Variants in CDH23 observed in about 807,000 individuals in gnomAD.
CDH23 encodes the protein cadherin-23.
CDH23 carries 189 observed loss-of-function variants against 317.1 expected under a neutral mutation model. The ratio of observed to expected loss-of-function variants is 0.60; its 90% CI spans 0.53 to 0.67. CDH23 has a LOEUF of 0.67. Among genes scored for constraint, CDH23 ranks in the 30% least tolerant of loss-of-function variants. The pLI, the probability that CDH23 is intolerant of heterozygous loss-of-function variation, is 0.00. For synonymous variants in CDH23, 1,839 were observed against 1,876.8 expected (o/e 0.98, Z 0.52); for missense variants, 4,401 against 4,592.4 (o/e 0.96, Z 1.20).
chr10:71,403,160 A>G (rs879631256), intron 1 of CDH23, among the ~76,000 whole-genome samples: 29 of 152,014 alleles, frequency 1.9e-4, no homozygotes, highest in Non-Finnish European at 3.7e-4. Flanking sequence ...CCAAAAAAAA[A>G]CAAATCCAGC....
chr10:71,544,780 C>T (rs566691306), intron 6 of CDH23, among the ~76,000 whole-genome samples: 1 of 152,212 alleles, frequency 6.6e-6, no homozygotes, highest in Non-Finnish European at 1.5e-5. Flanking sequence ...GATAGTGCTC[C>T]GTTTTCTAAC....
chr10:71,596,693 G>A (rs903870810), intron 9 of CDH23, among the ~76,000 whole-genome samples: 1 of 152,234 alleles, frequency 6.6e-6, no homozygotes, highest in African/African-American at 2.4e-5. Context: ...GGACAGACAT[G>A]AGAAGCAGAT....
chr10:71,489,594 GGTGTGTGT>G (rs34392048), intron 3 of CDH23, among the ~76,000 whole-genome samples: 21 of 139,882 alleles, frequency 1.5e-4, no homozygotes, highest in South Asian at 4.8e-4. Context: ...AGTGCCTCGG[GGTGTGTGT>G]GTGTGTGTGT....
intron 28 of CDH23, chr10:71,715,992 G>T: frequency 2.0e-6 from 3 of 1,496,920 alleles, no homozygotes; most frequent in Non-Finnish European, 2.7e-6. Context: ...TCGGGGCCCG[G>T]CAGGGGCTGT....
In CDH23 at chr10:71,733,862, A is replaced by G. The variant is rs184520710; in HGVS notation, c.4105-378A>G. Among the ~76,000 whole-genome samples, 12 of 152,344 alleles carry G rather than the reference A, an allele frequency of 7.9e-5. No homozygotes were observed. The East Asian group carries it at 2.3e-3, about 29-fold the overall frequency. On this transcript the variant is annotated intron_variant, in intron 32 of 69. Coordinates refer to ENST00000224721, the MANE Select transcript of CDH23 (RefSeq NM_022124.6). ...CGTGACAGGCCTTGTCCTAGAGGAT[A>G]CTGGGAACACAAATGGACACAAAGA...
In CDH23 at chr10:71,777,700, G is replaced by T; in HGVS notation, c.4866G>T (p.Val1622=). The change falls in exon 39 of 70, where the codon GTG becomes GTT. Residue 1622 remains valine, a synonymous_variant. Coordinates refer to ENST00000224721, the MANE Select transcript of CDH23 (RefSeq NM_022124.6). ...CACAGGCCACCACGCACGTGTACGT[G>T]ACCATTGTGGATGAGAATGATAACG... is the stretch of plus-strand genomic sequence containing the variant. ...PTLSATTHVY[V]TIVDENDNAP... 1.2e-6 allele frequency: 2 copies of T among 1,612,612 alleles called. No individual in the cohort carries two copies. The highest frequency in any genetic ancestry group is 2.2e-5 in the South Asian group (2 of 90,700).
At chr10:71,492,393 A>C (rs1852712559) in intron 3 of CDH23, among the ~76,000 whole-genome samples, 1 of 152,148 alleles carries the variant, frequency 6.6e-6, no homozygotes, top group Non-Finnish European at 1.5e-5. Flanking sequence ...CTGCCTAGTT[A>C]AAAACCAAAC....
intron 46 of CDH23, chr10:71,790,719 C>T (rs1441221460): frequency 2.1e-6 from 1 of 479,784 alleles, no homozygotes; most frequent in Non-Finnish European, 3.8e-6. Flanking sequence ...GCTCAGGCCC[C>T]TAGTCCAGCA....
chr10:71,692,941 G>A (rs1034449236), intron 20 of CDH23, among the ~76,000 whole-genome samples: 4 of 152,180 alleles, frequency 2.6e-5, no homozygotes, highest in South Asian at 2.1e-4. Flanking sequence ...GCCTCACAAC[G>A]GCTCTGCATG....
chr10:71,663,318 G>A (rs915159231), intron 14 of CDH23, among the ~76,000 whole-genome samples: 1 of 152,058 alleles, frequency 6.6e-6, no homozygotes, highest in African/African-American at 2.4e-5. Context: ...TCCGTGCCCC[G>A]ACCCGTCTCT....
chr10:71,744,199 G>T (rs759673455), intron 38 of CDH23, among the ~76,000 whole-genome samples: 1 of 152,188 alleles, frequency 6.6e-6, no homozygotes, highest in Non-Finnish European at 1.5e-5. Context: ...CAGTGAGGAA[G>T]AAGTGGAGAA....
intron 38 of CDH23, among the ~76,000 whole-genome samples, chr10:71,769,792 A>T (rs1402815113): frequency 1.3e-5 from 2 of 152,242 alleles, no homozygotes; most frequent in African/African-American, 4.8e-5. Context: ...GAGCAACCTC[A>T]TTATTGGATT....
Position 71,684,107 on chromosome 10 carries a change from C to CA in CDH23, c.1986+1537dup, listed in dbSNP as rs1403340647. 8.6e-3 allele frequency among the ~76,000 whole-genome samples: 359 copies of CA among 41,608 alleles called. 1 individual carries two copies. The highest frequency in any genetic ancestry group is 0.015 in the African/African-American group (263 of 17,738). The allele number at this position is 41,608 out of a possible 152,430, so 27.3% of individuals were successfully genotyped here. The stretch of plus-strand genomic sequence containing the variant: ...AAAAAACAAACAAACAAACAAACAA[C>CA]AACAAAAAAAAACGGCCTGACTCGA... On this transcript the variant is annotated intron_variant, in intron 18 of 69. Coordinates refer to ENST00000224721, the MANE Select transcript of CDH23 (RefSeq NM_022124.6).
intron 18 of CDH23, among the ~76,000 whole-genome samples, chr10:71,686,714 C>T (rs1442702755): frequency 6.6e-6 from 1 of 152,152 alleles, no homozygotes; most frequent in African/African-American, 2.4e-5. Context: ...GGTGCCGGGA[C>T]TCAGCCTGAC....
rs2132989902 is a variant in CDH23 at position 71,807,767 on chromosome 10, G to A, written c.8560G>A (p.Gly2854Arg). 2 of 1,598,284 alleles carry A rather than the reference G, an allele frequency of 1.3e-6. No individual in the cohort carries two copies. Among genetic ancestry groups the A allele is most frequent in the Non-Finnish European group, 1.7e-6 (2 of 1,172,006 alleles). ...PRFTKAEYTA[G>R]VATDAKVGSE... is the part of the protein sequence containing the mutation. ...CTTCACCAAGGCTGAGTACACTGCA[G>A]GTGCAGGGACTGGAGCCTGGGCACG... Residue 2854 changes from glycine (G) to arginine (R), a missense_variant and splice_region_variant, in exon 59 of 70, where the codon GGG becomes AGG. By Grantham distance (125) the Gly-to-Arg change is moderately radical. This residue lies in a region of CDH23 where 1,144 missense variants were observed against 1,138.2 expected (regional missense o/e 1.01). Coordinates refer to ENST00000224721, the MANE Select transcript of CDH23 (RefSeq NM_022124.6).
At chr10:71,588,885 G>A (rs143627013) in intron 9 of CDH23, among the ~76,000 whole-genome samples, 94 of 152,246 alleles carry the variant, frequency 6.2e-4, no homozygotes, top group Admixed American at 1.0e-3. Context: ...TCTCCTGGGC[G>A]CCCATGACCC....
At chr10:71,552,521 T>A (rs1475953672) in intron 6 of CDH23, among the ~76,000 whole-genome samples, 3 of 152,082 alleles carry the variant, frequency 2.0e-5, no homozygotes. Context: ...AGAGTGAGGC[T>A]CAGAAAAAAA....
chr10:71,760,850 A>G, intron 38 of CDH23: 3 of 1,609,278 alleles, frequency 1.9e-6, no homozygotes, highest in East Asian at 2.2e-5. Flanking sequence ...CAAAAGGGGC[A>G]AGAGGTTGGT....
At chr10:71,426,418 C>T (rs996543517) in intron 1 of CDH23, among the ~76,000 whole-genome samples, 1 of 152,198 alleles carries the variant, frequency 6.6e-6, no homozygotes, top group Non-Finnish European at 1.5e-5. Flanking sequence ...GGGAAGGCAG[C>T]CTCTGTGAGC....
Sources: allele counts gnomAD v4.1 joint callset (sites outside exome capture counted in the v4.1 genomes callset), GRCh38; gene constraint gnomAD v4.1.1; regional missense constraint gnomAD v4.1.1; transcripts MANE v1.5; gene names NCBI Gene and HGNC (gene_info 2026-07-23, HGNC 2026-07-21).